BBS5: variants seen among roughly 807,000 people sequenced by gnomAD.
The protein encoded by BBS5 is BBSome complex member BBS5.
A neutral mutation model predicts 50.2 loss-of-function variants in BBS5; 39 were observed. That is an observed-to-expected ratio of 0.78 (90% CI 0.60 to 1.01). BBS5 has a LOEUF of 1.01. Among genes scored for constraint, BBS5 ranks in the 50% least tolerant of loss-of-function variants. BBS5 has a pLI of 0.00. For synonymous variants in BBS5, 134 were observed against 133.1 expected (o/e 1.01, Z -0.05); for missense variants, 356 against 401.5 (o/e 0.89, Z 0.97).
In BBS5 at chr2:169,479,570, C is replaced by T. The variant is rs1307558837; in HGVS notation, c.17C>T (p.Ala6Val). 1 of 1,614,052 alleles carries T rather than the reference C, an allele frequency of 6.2e-7. No individual in the cohort carries two copies. Among genetic ancestry groups the T allele is most frequent in the African/African-American group, 1.3e-5 (1 of 74,948 alleles). MSVLD[A>V]LWEDRDVRFD... ...TTGTTCACCATGTCGGTGCTGGATG[C>T]GCTTTGGGAGGATCGGGATGTCCGT... is the stretch of plus-strand genomic sequence containing the variant. Residue 6 changes from alanine to valine, a missense_variant, in exon 1 of 12, where the codon GCG becomes GTG. Coordinates refer to ENST00000295240, the MANE Select transcript of BBS5 (RefSeq NM_152384.3).
intron 9 of BBS5, among the ~76,000 whole-genome samples, chr2:169,501,560 C>T (rs1239616663): frequency 6.6e-6 from 1 of 152,088 alleles, no homozygotes; most frequent in Non-Finnish European, 1.5e-5. Flanking sequence ...AACATAGTGA[C>T]ACCCTGTCTC....
In BBS5 at chr2:169,504,759, G is replaced by T; in HGVS notation, c.*177G>T. On this transcript the variant is annotated 3_prime_UTR_variant, in exon 12 of 12. Coordinates refer to ENST00000295240, the MANE Select transcript of BBS5 (RefSeq NM_152384.3). ...TAGAAAACTTCAGTTTTCGGCCAGC[G>T]CGTCGAGGGAGGGGCCAGCGACACA... is the stretch of plus-strand genomic sequence containing the variant. 1 of 1,347,736 alleles carries T rather than the reference G, an allele frequency of 7.4e-7. No individual in the cohort carries two copies. The highest frequency in any genetic ancestry group is 2.5e-5 in the East Asian group (1 of 40,292). 83.5% of individuals were successfully genotyped at this position (1,347,736 alleles called of 1,614,324 possible).
intron 7 of BBS5, among the ~76,000 whole-genome samples, chr2:169,496,992 G>A (rs943274765): frequency 7.9e-5 from 12 of 152,018 alleles, no homozygotes; most frequent in Admixed American, 5.2e-4. Flanking sequence ...CAAAAGGCAC[G>A]GCTTACCAAA....
Position 169,496,291 on chromosome 2 carries a change from C to A in BBS5, c.619-1336C>A, listed in dbSNP as rs116454365. Reference sequence around the variant, plus strand: ...GGTTTCACCATCTATCTTCCACTAACCAAGCTTAGTCCTCACATCACATTT... The same window carrying A: ...GGTTTCACCATCTATCTTCCACTAAACAAGCTTAGTCCTCACATCACATTT... On this transcript the variant is annotated intron_variant, in intron 7 of 11. Transcript: ENST00000295240. Among the ~76,000 whole-genome samples, 997 of 152,312 alleles carry A rather than the reference C, an allele frequency of 6.5e-3. 8 individuals are homozygous for A. The highest frequency in any genetic ancestry group is 0.029 in the South Asian group (140 of 4,826).
chr2:169,485,942 A>G (rs1683480974), intron 2 of BBS5, among the ~76,000 whole-genome samples: 1 of 152,322 alleles, frequency 6.6e-6, no homozygotes, highest in East Asian at 1.9e-4. Context: ...CTCTTTTGTA[A>G]ATAAACCTCA....
intron 7 of BBS5, 84 bp from the exon 8 acceptor site, chr2:169,497,543 T>TTTTCATA (rs1559124710): frequency 7.2e-6 from 6 of 828,380 alleles, no homozygotes; most frequent in Non-Finnish European, 1.3e-5. Context: ...AAGTAAATAC[T>TTTTCATA]GTGTAAAGTT....
intron 4 of BBS5, 46 bp downstream of exon 4, chr2:169,487,901 T>G: frequency 6.3e-7 from 1 of 1,580,732 alleles, no homozygotes; most frequent in Non-Finnish European, 8.7e-7. Context: ...GTAAAGAAAC[T>G]AGATATTTGA....
intron 8 of BBS5, among the ~76,000 whole-genome samples, chr2:169,498,185 C>G (rs1683729135): frequency 6.6e-6 from 1 of 152,212 alleles, no homozygotes; most frequent in South Asian, 2.1e-4. Context: ...GTCTTATATT[C>G]TCACACACAG....
intron 5 of BBS5, among the ~76,000 whole-genome samples, 163 bp downstream of exon 5, chr2:169,488,277 A>G (rs1423207254): frequency 6.6e-6 from 1 of 152,196 alleles, no homozygotes; most frequent in Non-Finnish European, 1.5e-5. Context: ...AGTGTATTAC[A>G]TTTATTGTGC....
At chr2:169,490,187 ATTTT>A (rs1189751993) in intron 5 of BBS5, among the ~76,000 whole-genome samples, 1,057 of 79,420 alleles carry the variant, frequency 0.013, 23 homozygotes, top group African/African-American at 0.052. Flanking sequence ...TGAAATGTGC[ATTTT>A]TTTTTTTTTT....
intron 1 of BBS5, among the ~76,000 whole-genome samples, chr2:169,481,165 A>C (rs560956828): frequency 3.4e-4 from 52 of 152,336 alleles, no homozygotes; most frequent in African/African-American, 1.2e-3. Context: ...CAACCACTAT[A>C]ATAAATGTGG....
At position 169,493,817 on chromosome 2, in the gene BBS5, G is replaced by C. The variant is rs772811556; in HGVS notation, c.599G>C (p.Ser200Thr). Residue 200 changes from serine to threonine, a missense_variant, in exon 7 of 12, where the codon AGT (serine) becomes ACT (threonine). Physicochemically the swap from Ser to Thr is moderately conservative, Grantham distance 58 (BLOSUM62 1). Transcript: ENST00000295240. Reference protein sequence around the residue: ...HANMNDSFNVSIPYLQIRSIK... With the variant: ...HANMNDSFNVTIPYLQIRSIK... ...AATATGAATGATAGTTTTAATGTCA[G>C]TATACCATATCTGCAAATTGTAAGT... The C allele has an allele frequency of 2.5e-6, 4 of 1,602,950 alleles. No individual in the cohort carries two copies. In the Admixed American group the frequency reaches 6.7e-5, roughly 27 times the overall value.
intron 7 of BBS5, among the ~76,000 whole-genome samples, chr2:169,495,897 A>G (rs1683683417): frequency 6.6e-6 from 1 of 152,154 alleles, no homozygotes; most frequent in African/African-American, 2.4e-5. Flanking sequence ...AACTTAAGCA[A>G]TCTGCCCACC....
chr2:169,496,409 A>AT (rs1683692050), intron 7 of BBS5, among the ~76,000 whole-genome samples: 1 of 152,184 alleles, frequency 6.6e-6, no homozygotes, highest in African/African-American at 2.4e-5. Context: ...TAAATATTTT[A>AT]TATTAAACTT....
At position 169,504,908 on chromosome 2, in the gene BBS5, G is replaced by C; in HGVS notation, c.*326G>C. 1 of 1,613,668 alleles carries C rather than the reference G, an allele frequency of 6.2e-7. No individual in the cohort carries two copies. Among genetic ancestry groups the C allele is most frequent in the Non-Finnish European group, 8.5e-7 (1 of 1,179,814 alleles). ...CCGGCTGCAAATTCGCCCAGCCAAT[G>C]GGGACGTTGCGGCCCAGTGGGTGGA... is the stretch of plus-strand genomic sequence containing the variant. On this transcript the variant is annotated 3_prime_UTR_variant, in exon 12 of 12. Coordinates refer to ENST00000295240, the MANE Select transcript of BBS5 (RefSeq NM_152384.3).
intron 9 of BBS5, among the ~76,000 whole-genome samples, chr2:169,502,419 G>A (rs531679717): frequency 2.6e-5 from 4 of 152,274 alleles, no homozygotes; most frequent in African/African-American, 9.6e-5. Context: ...ACTGCTTTTT[G>A]TAGGTTGAAG....
chr2:169,487,001 A>G (rs963622366), intron 2 of BBS5, 68 bp from the exon 3 acceptor site: 1 of 984,008 alleles, frequency 1.0e-6, no homozygotes, highest in African/African-American at 1.6e-5. Flanking sequence ...TTCCATATCC[A>G]TCTCATTCAG....
chr2:169,502,399 C>T (rs1683826165), intron 9 of BBS5, among the ~76,000 whole-genome samples: 1 of 152,124 alleles, frequency 6.6e-6, no homozygotes, highest in African/African-American at 2.4e-5. Context: ...CTATCCTCAG[C>T]TTTGTTATAA....
At position 169,488,070 on chromosome 2, in the gene BBS5, T is replaced by G. The variant is rs1300769597; in HGVS notation, c.342T>G (p.Val114=). The part of the protein sequence containing the change: ...TRFEFIFTNL[V]PGSPRLFTSV... ...TTGAATTTATATTTACAAATTTGGT[T>G]CCTGGAAGCCCTAGACTTTTTACTT... The change falls in exon 5 of 12, where the codon GTT becomes GTG. Residue 114 remains valine, a synonymous_variant. Transcript: ENST00000295240. 2.5e-6 allele frequency: 4 copies of G among 1,613,528 alleles called. No individual in the cohort carries two copies. The African/African-American group carries it at 5.3e-5, about 22-fold the overall frequency.
Sources: allele counts gnomAD v4.1 joint callset (sites outside exome capture counted in the v4.1 genomes callset), GRCh38; gene constraint gnomAD v4.1.1; transcripts MANE v1.5; gene names NCBI Gene and HGNC (gene_info 2026-07-23, HGNC 2026-07-21).